IFNGR2: variants seen among roughly 807,000 people sequenced by gnomAD.
IFNGR2 encodes the protein IFN-gamma receptor 2.
Under a neutral mutation model 41.1 loss-of-function variants are expected in IFNGR2, and 15 were observed. The ratio of observed to expected loss-of-function variants is 0.37; its 90% CI spans 0.24 to 0.56. The LOEUF (loss-of-function observed/expected upper bound fraction) is 0.56. Ranked by LOEUF, IFNGR2 falls within the 20% of genes least tolerant of loss-of-function variation. The pLI, the probability that IFNGR2 is intolerant of heterozygous loss-of-function variation, is 0.81. For synonymous variants in IFNGR2, 161 were observed against 171.6 expected (o/e 0.94, Z 0.48); for missense variants, 362 against 415.7 (o/e 0.87, Z 1.12).
intron 1 of IFNGR2, among the ~76,000 whole-genome samples, chr21:33,412,256 C>G (rs2083722688): frequency 6.6e-6 from 1 of 152,156 alleles, no homozygotes; most frequent in African/African-American, 2.4e-5. Flanking sequence ...TTTCTCATGG[C>G]CCAATAACAA....
At position 33,426,891 on chromosome 21, in the gene IFNGR2, C is replaced by T. The variant is rs78072678; in HGVS notation, c.420C>T (p.Val140=). 1.5e-4 allele frequency: 238 copies of T among 1,613,082 alleles called. 3 individuals are homozygous for T. The East Asian group carries it at 4.8e-3, about 33-fold the overall frequency. The change falls in exon 4 of 7, where the codon GTC becomes GTT. Residue 140 remains valine (V), a synonymous_variant. Coordinates refer to ENST00000290219, the MANE Select transcript of IFNGR2 (RefSeq NM_005534.4). The part of the protein sequence containing the change: ...PWFQHYRNVT[V]GPPENIEVTP... ...TTTGTAATTCTTTTTCAGTGACTGT[C>T]GGGCCTCCAGAAAACATTGAGGTGA...
rs746190055 is a variant in IFNGR2 at position 33,421,602 on chromosome 21, A to G, written c.329A>G (p.Asn110Ser). 16 of 1,613,944 alleles carry G rather than the reference A, an allele frequency of 9.9e-6. No homozygotes were observed. Among genetic ancestry groups the G allele is most frequent in the African/African-American group, 2.7e-5 (2 of 74,902 alleles). Reference sequence around the variant, plus strand: ...TCAGCAGGCTTCCCAATGGATTTCAATGTCACTCTACGCCTTCGAGCTGAG... The same window carrying G: ...TCAGCAGGCTTCCCAATGGATTTCAGTGTCACTCTACGCCTTCGAGCTGAG... ...SPSAGFPMDF[N>S]VTLRLRAELG... Residue 110 changes from asparagine (N) to serine (S), a missense_variant, in exon 3 of 7, where the codon AAT becomes AGT. Coordinates refer to ENST00000290219, the MANE Select transcript of IFNGR2 (RefSeq NM_005534.4).
intron 4 of IFNGR2, among the ~76,000 whole-genome samples, chr21:33,430,923 T>C (rs1254555236): frequency 6.6e-6 from 1 of 152,214 alleles, no homozygotes; most frequent in African/African-American, 2.4e-5. Flanking sequence ...AACAGTTCTT[T>C]GCAAGAAACC....
At chr21:33,429,515 G>A (rs929814687) in intron 4 of IFNGR2, among the ~76,000 whole-genome samples, 5 of 152,190 alleles carry the variant, frequency 3.3e-5, no homozygotes, top group African/African-American at 1.2e-4. Flanking sequence ...GCAAAGGGAA[G>A]AGGCACATGG....
intron 2 of IFNGR2, 21 bp downstream of exon 2, chr21:33,415,041 G>C: frequency 1.2e-6 from 2 of 1,613,800 alleles, no homozygotes; most frequent in Non-Finnish European, 1.7e-6. Flanking sequence ...ATTTCTGTTG[G>C]ATCCTTGCTG....
intron 1 of IFNGR2, among the ~76,000 whole-genome samples, chr21:33,413,426 C>T (rs2083730638): frequency 6.6e-6 from 1 of 152,212 alleles, no homozygotes; most frequent in African/African-American, 2.4e-5. Context: ...ATTCATCTTT[C>T]AGAAGAAGAG....
intron 3 of IFNGR2, 110 bp downstream of exon 3, chr21:33,421,795 C>A: frequency 1.1e-6 from 1 of 871,990 alleles, no homozygotes; most frequent in Non-Finnish European, 1.9e-6. Context: ...GACCAGCAGA[C>A]AAATGGGTAG....
chr21:33,431,644 TC>T (rs1568962845), intron 4 of IFNGR2, among the ~76,000 whole-genome samples: 1 of 152,218 alleles, frequency 6.6e-6, no homozygotes, highest in African/African-American at 2.4e-5. Context: ...CAATCTCAGC[TC>T]ACTGCACCCT....
intron 3 of IFNGR2, among the ~76,000 whole-genome samples, chr21:33,423,319 G>A (rs189564467): frequency 1.0e-3 from 153 of 152,004 alleles, no homozygotes; most frequent in African/African-American, 3.0e-3. Context: ...GATTACAGGC[G>A]TGAGCCACCG....
At chr21:33,430,599 A>G (rs1345502475) in intron 4 of IFNGR2, among the ~76,000 whole-genome samples, 2 of 152,104 alleles carry the variant, frequency 1.3e-5, no homozygotes, top group South Asian at 2.1e-4. Context: ...ATGCACCACC[A>G]TGACCAGCTT....
At chr21:33,412,046 C>A (rs1367771158) in intron 1 of IFNGR2, among the ~76,000 whole-genome samples, 1 of 152,194 alleles carries the variant, frequency 6.6e-6, no homozygotes, top group East Asian at 1.9e-4. Context: ...GCCTCAGCCC[C>A]TTGAGCAGCT....
At chr21:33,432,408 G>T (rs967435794) in intron 5 of IFNGR2, 72 bp downstream of exon 5, 5 of 1,424,572 alleles carry the variant, frequency 3.5e-6, no homozygotes, top group Non-Finnish European at 5.0e-6. Context: ...ATCGGGGAAT[G>T]CTTATGAGGT....
intron 3 of IFNGR2, among the ~76,000 whole-genome samples, chr21:33,425,643 T>C (rs1041763653): frequency 6.6e-6 from 1 of 152,204 alleles, no homozygotes; most frequent in Admixed American, 6.5e-5. Flanking sequence ...AAGAGCATTT[T>C]GTCACTAGCA....
Position 33,414,878 on chromosome 21 carries a change from C to T in IFNGR2, c.74-10C>T, listed in dbSNP as rs1455848518. The T allele has an allele frequency of 1.9e-6, 3 of 1,610,662 alleles. No individual in the cohort carries two copies. The highest frequency in any genetic ancestry group is 1.7e-5 in the Admixed American group (1 of 59,182). ...CTTCCTCCCTCTTCTTTTTCTCTGT[C>T]CCCCTCAAGACCCTCTTTCCCAGCT... is the stretch of plus-strand genomic sequence containing the variant. On this transcript the variant is annotated splice_polypyrimidine_tract_variant and intron_variant, in intron 1 of 6. Coordinates refer to ENST00000290219, the MANE Select transcript of IFNGR2 (RefSeq NM_005534.4).
At chr21:33,404,577 A>G (rs1163455475) in intron 1 of IFNGR2, among the ~76,000 whole-genome samples, 1 of 152,008 alleles carries the variant, frequency 6.6e-6, no homozygotes, top group Non-Finnish European at 1.5e-5. Context: ...AGGTGGTATT[A>G]TTGGCCACGC....
At chr21:33,431,347 A>G (rs1391551799) in intron 4 of IFNGR2, among the ~76,000 whole-genome samples, 1 of 152,106 alleles carries the variant, frequency 6.6e-6, no homozygotes, top group Non-Finnish European at 1.5e-5. Flanking sequence ...AGGCAGGTGG[A>G]TCACCTGAGA....
intron 4 of IFNGR2, among the ~76,000 whole-genome samples, chr21:33,430,689 G>C (rs1322224332): frequency 6.6e-6 from 1 of 152,170 alleles, no homozygotes; most frequent in African/African-American, 2.4e-5. Flanking sequence ...CTGGACTCAA[G>C]TGATCCTCCC....
chr21:33,424,168 G>C (rs1362302736), intron 3 of IFNGR2, among the ~76,000 whole-genome samples: 2 of 152,048 alleles, frequency 1.3e-5, no homozygotes, highest in African/African-American at 4.8e-5. Flanking sequence ...GGGTATGATG[G>C]CACACGACTG....
At chr21:33,420,985 C>T (rs974130113) in intron 2 of IFNGR2, among the ~76,000 whole-genome samples, 3 of 151,988 alleles carry the variant, frequency 2.0e-5, no homozygotes, top group African/African-American at 7.3e-5. Flanking sequence ...TCACATGAGG[C>T]CAGGAGTTTG....
Sources: gnomAD v4.1 joint callset for allele counts (sites outside exome capture counted in the v4.1 genomes callset) on GRCh38, gnomAD v4.1.1 for gene constraint, MANE v1.5 for transcripts, NCBI Gene and HGNC (gene_info 2026-07-23, HGNC 2026-07-21) for gene names.